CNOT6L: variants seen among roughly 807,000 people sequenced by gnomAD.
CNOT6L encodes the protein CCR4-NOT transcription complex subunit 6 like, also known as CCR4-NOT transcription complex subunit 6-like.
Under a neutral mutation model 64.0 loss-of-function variants are expected in CNOT6L, and 7 were observed. The ratio of observed to expected loss-of-function variants is 0.11; its 90% CI spans 0.06 to 0.21. CNOT6L has a LOEUF of 0.21. CNOT6L is among the 10% of genes least tolerant of loss of function. CNOT6L has a pLI of 1.00. For synonymous variants in CNOT6L, 193 were observed against 243.4 expected (o/e 0.79, Z 1.93); for missense variants, 245 against 669.0 (o/e 0.37, Z 6.99).
chr4:77,757,033 TAATTTCTTAAATTC>T (rs1314226576), intron 4 of CNOT6L, 82 bp from the exon 5 acceptor site: 7 of 592,662 alleles, frequency 1.2e-5, no homozygotes, highest in African/African-American at 3.7e-5. Flanking sequence ...AATAAAATAC[TAATTTCTTAAATTC>T]AATTTCTTAA....
chr4:77,794,343 T>C (rs1355853080), intron 1 of CNOT6L, among the ~76,000 whole-genome samples: 1 of 151,976 alleles, frequency 6.6e-6, no homozygotes, highest in African/African-American at 2.4e-5. Context: ...AAGAAAACTA[T>C]GGACTTCATG....
intron 3 of CNOT6L, 148 bp downstream of exon 3, chr4:77,774,382 C>T (rs987326056): frequency 3.5e-6 from 2 of 576,662 alleles, no homozygotes; most frequent in Admixed American, 3.7e-5. Flanking sequence ...AAATGTTCAA[C>T]GGAGGCCAAC....
At chr4:77,790,469 A>C (rs2110107445) in intron 1 of CNOT6L, among the ~76,000 whole-genome samples, 1 of 152,302 alleles carries the variant, frequency 6.6e-6, no homozygotes, top group Middle Eastern at 3.4e-3. Context: ...TATGCTTATT[A>C]GTTTTGTAAG....
chr4:77,782,907 G>GT (rs1729026428), intron 1 of CNOT6L, among the ~76,000 whole-genome samples: 1 of 152,034 alleles, frequency 6.6e-6, no homozygotes, highest in Admixed American at 6.6e-5. Context: ...ACTGCATATA[G>GT]TAAGATCATA....
intron 3 of CNOT6L, 110 bp from the exon 4 acceptor site, chr4:77,773,276 C>A: frequency 1.6e-6 from 1 of 639,284 alleles, no homozygotes. Context: ...TGTTTATATT[C>A]AAGGCACATT....
At chr4:77,746,671 C>T (rs1724235183) in intron 6 of CNOT6L, among the ~76,000 whole-genome samples, 1 of 152,108 alleles carries the variant, frequency 6.6e-6, no homozygotes, top group African/African-American at 2.4e-5. Context: ...AGATTATGTT[C>T]ACTCATATTC....
chr4:77,734,920 T>A (rs967194301), intron 8 of CNOT6L, among the ~76,000 whole-genome samples: 9 of 151,942 alleles, frequency 5.9e-5, no homozygotes, highest in African/African-American at 2.2e-4. Flanking sequence ...AAAAAAAAAA[T>A]GAAAGCTACC....
intron 4 of CNOT6L, among the ~76,000 whole-genome samples, chr4:77,763,638 T>G (rs1726489273): frequency 6.6e-6 from 1 of 152,100 alleles, no homozygotes; most frequent in South Asian, 2.1e-4. Flanking sequence ...GAAATACAAC[T>G]TACAAATTGA....
chr4:77,797,996 T>TA (rs1244400476), intron 1 of CNOT6L, among the ~76,000 whole-genome samples: 1 of 152,162 alleles, frequency 6.6e-6, no homozygotes, highest in Admixed American at 6.5e-5. Context: ...ATTGATAAAT[T>TA]AGACTTTCAA....
chr4:77,782,641 CTTTTTT>C (rs3048223), intron 1 of CNOT6L, among the ~76,000 whole-genome samples: 10 of 141,264 alleles, frequency 7.1e-5, no homozygotes, highest in Non-Finnish European at 1.1e-4. Flanking sequence ...AGTGCCTAGC[CTTTTTT>C]TTTTTTTTTT....
intron 1 of CNOT6L, among the ~76,000 whole-genome samples, chr4:77,778,627 G>C (rs1728425761): frequency 6.6e-6 from 1 of 151,898 alleles, no homozygotes; most frequent in Non-Finnish European, 1.5e-5. Flanking sequence ...AGCTGGTCTC[G>C]AACTCCTGAC....
chr4:77,727,870 T>C (rs866752791), intron 10 of CNOT6L, among the ~76,000 whole-genome samples: 1 of 152,206 alleles, frequency 6.6e-6, no homozygotes, highest in African/African-American at 2.4e-5. Flanking sequence ...CATTATTTGC[T>C]AAGAAGAAAA....
intron 11 of CNOT6L, among the ~76,000 whole-genome samples, chr4:77,724,577 C>T (rs1256631843): frequency 6.7e-6 from 1 of 149,058 alleles, no homozygotes; most frequent in African/African-American, 2.5e-5. Flanking sequence ...GAGTTTCAGG[C>T]TGCAGTGAGC....
chr4:77,742,307 G>A lies in CNOT6L; in HGVS notation c.718-12C>T. 1 of 1,604,924 alleles carries A rather than the reference G, an allele frequency of 6.2e-7. No homozygotes were observed. On this transcript the variant is annotated splice_polypyrimidine_tract_variant and intron_variant, in intron 7 of 11. Coordinates refer to ENST00000504123, the MANE Select transcript of CNOT6L (RefSeq NM_144571.3). ...TCTGTTTCCACTTCCTGAGATGAAA[G>A]AAAAGTTATCATCTATATGACAGAG...
At position 77,780,944 on chromosome 4, in the gene CNOT6L, AG is replaced by A. The variant is rs1434152174; in HGVS notation, c.6-4553del. Among the ~76,000 whole-genome samples, 5 of 152,284 alleles carry A rather than the reference AG, an allele frequency of 3.3e-5. No homozygotes were observed. In the East Asian group the frequency reaches 7.7e-4, roughly 24 times the overall value. On this transcript the variant is annotated intron_variant, in intron 1 of 11. Transcript: ENST00000504123. ...CACCTCTGAATAGCCACTGCACTCT[AG>A]CCTGGGCAACACAGCAAGACCCTGC...
rs115658026 is a variant in CNOT6L at position 77,789,679 on chromosome 4, G to A, written c.6-13287C>T. ...CGCCTCAAAAAAAAAAGCCAAGCATGATGGATTATGCCTGTAATCCCAGAA... is the reference window on the plus strand; with the variant it reads ...CGCCTCAAAAAAAAAAGCCAAGCATAATGGATTATGCCTGTAATCCCAGAA... On this transcript the variant is annotated intron_variant, in intron 1 of 11. Coordinates refer to ENST00000504123, the MANE Select transcript of CNOT6L (RefSeq NM_144571.3). Among the ~76,000 whole-genome samples the A allele has an allele frequency of 4.3e-3, 646 of 151,394 alleles. 7 individuals are homozygous for A. Among genetic ancestry groups the A allele is most frequent in the African/African-American group, 0.015 (623 of 41,256 alleles).
Position 77,812,370 on chromosome 4 carries a change from A to G in CNOT6L, c.5+6934T>C, listed in dbSNP as rs1578013327. ...GGAGAATCACTTGAACCCAGGAGGCAGAGGTTGTAGTGAGCCAAGACAGTG... is the reference window on the plus strand; with the variant it reads ...GGAGAATCACTTGAACCCAGGAGGCGGAGGTTGTAGTGAGCCAAGACAGTG... On this transcript the variant is annotated intron_variant, in intron 1 of 11. Transcript: ENST00000504123. 4.0e-5 allele frequency among the ~76,000 whole-genome samples: 6 copies of G among 151,440 alleles called. No individual in the cohort carries two copies. In the South Asian group the frequency reaches 1.3e-3, roughly 32 times the overall value.
At chr4:77,725,549 A>AT (rs1221046492) in intron 11 of CNOT6L, among the ~76,000 whole-genome samples, 2 of 151,918 alleles carry the variant, frequency 1.3e-5, no homozygotes, top group African/African-American at 4.8e-5. Context: ...CAGCCTTTCC[A>AT]TTTTTTTTCA....
intron 1 of CNOT6L, among the ~76,000 whole-genome samples, chr4:77,777,782 A>C (rs1212464003): frequency 6.6e-6 from 1 of 152,180 alleles, no homozygotes; most frequent in Admixed American, 6.5e-5. Context: ...GGTCATCTGA[A>C]ATTTGTAACA....
Sources: gnomAD v4.1 joint callset for allele counts (sites outside exome capture counted in the v4.1 genomes callset) on GRCh38, gnomAD v4.1.1 for gene constraint, MANE v1.5 for transcripts, NCBI Gene and HGNC (gene_info 2026-07-23, HGNC 2026-07-21) for gene names.